Variants in IKBKB observed in about 807,000 individuals in gnomAD.
The protein encoded by IKBKB is inhibitor of nuclear factor kappa B kinase subunit beta.
IKBKB carries 42 observed loss-of-function variants against 113.6 expected under a neutral mutation model. The observed-to-expected ratio is 0.37, with a 90% CI of 0.29 to 0.48. The LOEUF (loss-of-function observed/expected upper bound fraction) is 0.48, where lower values mean the gene tolerates loss of function less well. IKBKB is among the 20% of genes least tolerant of loss of function. The pLI is 0.99. For synonymous variants in IKBKB, 296 were observed against 361.3 expected (o/e 0.82, Z 2.05); for missense variants, 673 against 939.7 (o/e 0.72, Z 3.71).
chr8:42,306,674 C>T (rs1816597920), intron 7 of IKBKB, among the ~76,000 whole-genome samples: 1 of 152,238 alleles, frequency 6.6e-6, no homozygotes, highest in Non-Finnish European at 1.5e-5. Context: ...TTGCACCATC[C>T]CCTAGCCTCT....
rs984831429 is a variant in IKBKB, at chr8:42,271,350, C to T, written c.-138C>T. On this transcript the variant is annotated 5_prime_UTR_variant, in exon 1 of 22. Coordinates refer to ENST00000520810, the MANE Select transcript of IKBKB (RefSeq NM_001556.3). ...TGAGGAAGTCGCGCCGCGCTGCCCG[C>T]GTTAAGATTCCCGCATTTTAATGTT... 4 of 1,342,142 alleles carry T rather than the reference C, an allele frequency of 3.0e-6. No individual in the cohort carries two copies. The allele number at this position is 1,342,142 out of a possible 1,614,324, so 83.1% of individuals were successfully genotyped here. A position where few individuals can be genotyped will look rare whatever the true frequency, so the allele number is the denominator to read the frequency against.
In IKBKB at chr8:42,331,033, G is replaced by A; in HGVS notation, c.*54G>A. 6.3e-7 allele frequency: 1 copy of A among 1,597,138 alleles called. No individual in the cohort carries two copies. Among genetic ancestry groups the A allele is most frequent in the South Asian group, 1.1e-5 (1 of 90,096 alleles). On this transcript the variant is annotated 3_prime_UTR_variant, in exon 22 of 22. Transcript: ENST00000520810. The stretch of plus-strand genomic sequence containing the variant: ...GGCAGCCCATAGCAGGCCTTGTGCA[G>A]TGGGGGGACTCGACCCCCTGACATG...
rs372527642 is a variant in IKBKB, at chr8:42,314,399, G to A, written c.770G>A (p.Ser257Asn). The change falls in exon 9 of 22, where the codon AGC becomes AAC. Residue 257 changes from serine to asparagine, a missense_variant. By Grantham distance (46) the Ser-to-Asn change is conservative. Coordinates refer to ENST00000520810, the MANE Select transcript of IKBKB (RefSeq NM_001556.3). ...TTGAATGGAACGGTGAAGTTTTCAA[G>A]CTCTTTACCCTACCCCAATAATCTT... ...EDLNGTVKFS[S>N]SLPYPNNLNS... The A allele has an allele frequency of 1.2e-6, 2 of 1,611,502 alleles. No homozygotes were observed. The highest frequency in any genetic ancestry group is 2.7e-5 in the African/African-American group (2 of 74,892).
intron 8 of IKBKB, among the ~76,000 whole-genome samples, chr8:42,312,980 A>G (rs1208718402): frequency 6.6e-6 from 1 of 152,218 alleles, no homozygotes; most frequent in Non-Finnish European, 1.5e-5. Flanking sequence ...CCTTGGACAA[A>G]TCATTTGATC....
intron 8 of IKBKB, among the ~76,000 whole-genome samples, chr8:42,313,110 C>T (rs1231708881): frequency 6.6e-6 from 1 of 152,120 alleles, no homozygotes; most frequent in African/African-American, 2.4e-5. Flanking sequence ...AAGTATTATT[C>T]AAATTTACTC....
intron 11 of IKBKB, chr8:42,317,203 G>T: frequency 7.2e-5 from 22 of 307,156 alleles, no homozygotes; most frequent in East Asian, 1.4e-4. Context: ...CCTCTTCCAA[G>T]TGTACTAAAA....
intron 5 of IKBKB, among the ~76,000 whole-genome samples, chr8:42,296,436 C>T (rs1448866306): frequency 2.0e-5 from 3 of 152,300 alleles, no homozygotes; most frequent in African/African-American, 7.2e-5. Flanking sequence ...TCGAGGCCAG[C>T]CTGGCCAACA....
At chr8:42,294,471 C>T (rs1457131975) in intron 5 of IKBKB, among the ~76,000 whole-genome samples, 1 of 152,124 alleles carries the variant, frequency 6.6e-6, no homozygotes, top group Non-Finnish European at 1.5e-5. Flanking sequence ...TAAGCCAGGG[C>T]CTGGAAGGGT....
chr8:42,282,139 C>A (rs1037374067), intron 2 of IKBKB, among the ~76,000 whole-genome samples: 3 of 152,032 alleles, frequency 2.0e-5, no homozygotes, highest in African/African-American at 7.2e-5. Flanking sequence ...TACAGGGGAC[C>A]CTTTCTCCGT....
In IKBKB at chr8:42,317,754, A is replaced by C. The variant is rs543940041; in HGVS notation, c.1223A>C (p.Glu408Ala). The change falls in exon 12 of 22, where the codon GAA (glutamate) becomes GCA (alanine). Residue 408 changes from glutamate (E) to alanine (A), a missense_variant. Around this residue, in one of 2 missense-constraint regions of IKBKB, gnomAD observed 506 missense variants for 638.7 expected, o/e 0.79. Coordinates refer to ENST00000520810, the MANE Select transcript of IKBKB (RefSeq NM_001556.3). ...CAGATCTCCCCACGGCCCCAACCTG[A>C]AAGTGTCAGCTGTATCCGTAAGAAT... ...ETQISPRPQPESVSCILQEPK... is the reference protein window; with the variant it reads ...ETQISPRPQPASVSCILQEPK... 6 of 1,609,492 alleles carry C rather than the reference A, an allele frequency of 3.7e-6. No homozygotes were observed. The South Asian group carries it at 6.6e-5, about 18-fold the overall frequency.
intron 2 of IKBKB, among the ~76,000 whole-genome samples, chr8:42,288,194 C>G (rs1050638708): frequency 1.3e-5 from 2 of 151,988 alleles, no homozygotes; most frequent in African/African-American, 4.8e-5. Flanking sequence ...CAAGACTAGC[C>G]TCACCAACAT....
In IKBKB at chr8:42,314,438, C is replaced by T. The variant is rs1818287642; in HGVS notation, c.800+9C>T. 1 of 1,501,370 alleles carries T rather than the reference C, an allele frequency of 6.7e-7. No homozygotes were observed. The highest frequency in any genetic ancestry group is 1.1e-5 in the South Asian group (1 of 88,706). 93.0% of individuals were successfully genotyped at this position (1,501,370 alleles called of 1,614,324 possible). On this transcript the variant is annotated intron_variant, in intron 9 of 21. Coordinates refer to ENST00000520810, the MANE Select transcript of IKBKB (RefSeq NM_001556.3). ...CCCAATAATCTTAACAGGTAAGGCA[C>T]AGCGGCATTACACGAATACATATCT...
intron 15 of IKBKB, 73 bp downstream of exon 15, chr8:42,319,719 A>G (rs1193380399): frequency 1.3e-5 from 16 of 1,215,616 alleles, no homozygotes; most frequent in Non-Finnish European, 1.6e-5. Flanking sequence ...TCACTTTCTC[A>G]TCAAACACTG....
chr8:42,287,049 G>C (rs1460382369), intron 2 of IKBKB, among the ~76,000 whole-genome samples: 1 of 152,208 alleles, frequency 6.6e-6, no homozygotes, highest in African/African-American at 2.4e-5. Flanking sequence ...CTGCTGCCCC[G>C]CAGTTGTCTT....
chr8:42,331,126 T>C lies in IKBKB; in HGVS notation c.*147T>C. On this transcript the variant is annotated 3_prime_UTR_variant, in exon 22 of 22. Coordinates refer to ENST00000520810, the MANE Select transcript of IKBKB (RefSeq NM_001556.3). Reference sequence around the variant, plus strand: ...GCGGCTCTCACATGGTGGTTCCTGCTGCACTGATGGCCCAGGGGTCTCTGG... The same window carrying C: ...GCGGCTCTCACATGGTGGTTCCTGCCGCACTGATGGCCCAGGGGTCTCTGG... The C allele has an allele frequency of 8.3e-7, 1 of 1,199,418 alleles. No homozygotes were observed. Among genetic ancestry groups the C allele is most frequent in the Admixed American group, 2.0e-5 (1 of 50,204 alleles). 74.3% of individuals were successfully genotyped at this position (1,199,418 alleles called of 1,614,324 possible). A position where few individuals can be genotyped will look rare whatever the true frequency, so the allele number is the denominator to read the frequency against.
chr8:42,286,697 T>A (rs1476020504), intron 2 of IKBKB, among the ~76,000 whole-genome samples: 2 of 152,174 alleles, frequency 1.3e-5, no homozygotes, highest in Admixed American at 1.3e-4. Context: ...TGTGTCTTTT[T>A]AAGTCCCATT....
chr8:42,318,892 G>A (rs926729810), intron 13 of IKBKB: 2 of 552,316 alleles, frequency 3.6e-6, no homozygotes, highest in African/African-American at 3.8e-5. Context: ...AGGGTGAGGA[G>A]TGTGGAACTG....
At chr8:42,297,885 ACT>A (rs1255353651) in intron 5 of IKBKB, among the ~76,000 whole-genome samples, 2 of 151,618 alleles carry the variant, frequency 1.3e-5, no homozygotes, top group Non-Finnish European at 1.5e-5. Context: ...CAAGAGCGAG[ACT>A]CTGTCTCAAA....
At chr8:42,320,434 C>A in intron 15 of IKBKB, 1 of 300,580 alleles carries the variant, frequency 3.3e-6, no homozygotes, top group Non-Finnish European at 6.3e-6. Flanking sequence ...AGGCACCATG[C>A]CAGAGGCTTT....
Sources: gnomAD v4.1 joint callset for allele counts (sites outside exome capture counted in the v4.1 genomes callset) on GRCh38, gnomAD v4.1.1 for gene constraint, gnomAD v4.1.1 regional missense constraint, MANE v1.5 for transcripts, NCBI Gene and HGNC (gene_info 2026-07-23, HGNC 2026-07-21) for gene names.